Variants in PCDHGA2 observed in about 807,000 individuals in gnomAD.
PCDHGA2 encodes protocadherin gamma subfamily A, 2, also known as protocadherin gamma-A2.
Under a neutral mutation model 59.2 loss-of-function variants are expected in PCDHGA2, and 40 were observed. That is an observed-to-expected ratio of 0.68 (90% CI 0.52 to 0.88). The LOEUF (loss-of-function observed/expected upper bound fraction) is 0.88. Among genes scored for constraint, PCDHGA2 ranks in the 40% least tolerant of loss-of-function variants. The pLI, the probability that PCDHGA2 is intolerant of heterozygous loss-of-function variation, is 0.00. For synonymous variants in PCDHGA2, 560 were observed against 526.0 expected (o/e 1.06, Z -0.89); for missense variants, 1,226 against 1,204.0 (o/e 1.02, Z -0.27).
In PCDHGA2 at chr5:141,494,836, C is replaced by G. The variant is rs1016713543; in HGVS notation, c.2454C>G (p.Phe818Leu). ...CCCCGCCCAACACGGACTGGCGTTT[C>G]TCTCAGGCCCAGAGACCCGGCACCA... ...QQAPPNTDWR[F>L]SQAQRPGTSG... The change falls in exon 2 of 4, where the codon TTC (phenylalanine) becomes TTG (leucine). Residue 818 changes from phenylalanine (F) to leucine (L), a missense_variant. Phe to Leu is a conservative substitution (Grantham distance 22, BLOSUM62 0). Coordinates refer to ENST00000394576, the MANE Select transcript of PCDHGA2 (RefSeq NM_018915.4). 1.9e-6 allele frequency: 3 copies of G among 1,614,054 alleles called. No individual in the cohort carries two copies. The highest frequency in any genetic ancestry group is 2.7e-5 in the African/African-American group (2 of 74,932).
chr5:141,430,619 A>G lies in PCDHGA2; in HGVS notation c.2425-64188A>G, dbSNP rs192473783. ...CGCCTGAAGCACAAAGCAGATAGCT[A>G]GGAATGAACCATCCCTGGGAGTATG... On this transcript the variant is annotated intron_variant, in intron 1 of 3. Coordinates refer to ENST00000394576, the MANE Select transcript of PCDHGA2 (RefSeq NM_018915.4). 9.4e-5 allele frequency: 68 copies of G among 720,190 alleles called. 1 individual carries two copies. The African/African-American group carries it at 1.1e-3, about 12-fold the overall frequency. 44.6% of individuals were successfully genotyped at this position (720,190 alleles called of 1,614,324 possible). A position where few individuals can be genotyped will look rare whatever the true frequency, so the allele number is the denominator to read the frequency against.
chr5:141,381,355 C>A (rs1431564536), intron 1 of PCDHGA2, among the ~76,000 whole-genome samples: 1 of 152,222 alleles, frequency 6.6e-6, no homozygotes, highest in Non-Finnish European at 1.5e-5. Flanking sequence ...TTTCTGCTAG[C>A]AGAGGGTAGC....
rs532675537 is a variant in PCDHGA2, at chr5:141,508,584, T to C, written c.2573-2363T>C. Among the ~76,000 whole-genome samples, 87 of 152,266 alleles carry C rather than the reference T, an allele frequency of 5.7e-4. 1 individual carries two copies. Among genetic ancestry groups the C allele is most frequent in the African/African-American group, 1.6e-3 (66 of 41,552 alleles). On this transcript the variant is annotated intron_variant, in intron 3 of 3. Coordinates refer to ENST00000394576, the MANE Select transcript of PCDHGA2 (RefSeq NM_018915.4). The stretch of plus-strand genomic sequence containing the variant: ...TGTCACTTGCACCCACTCGGGGTGC[T>C]ACTCAGAGATCTTGGGTGCACATAG...
At position 141,490,632 on chromosome 5, in the gene PCDHGA2, A is replaced by C; in HGVS notation, c.2425-4175A>C. Reference sequence around the variant, plus strand: ...AGCAGCTTTACACTGCTTACATCCTAGAAAACCGGCCTCCGGGCTCCCTTC... The same window carrying C: ...AGCAGCTTTACACTGCTTACATCCTCGAAAACCGGCCTCCGGGCTCCCTTC... On this transcript the variant is annotated intron_variant, in intron 1 of 3. Transcript: ENST00000394576. This position sits in a 1 kb window ranked among gnomAD's most constrained non-coding sequence, Gnocchi z 5.4. The C allele has an allele frequency of 1.2e-6, 2 of 1,614,196 alleles. No individual in the cohort carries two copies. Among genetic ancestry groups the C allele is most frequent in the South Asian group, 1.1e-5 (1 of 91,088 alleles).
At chr5:141,418,433 C>G (rs761824602) in intron 1 of PCDHGA2, 44 of 1,613,938 alleles carry the variant, frequency 2.7e-5, no homozygotes, top group Non-Finnish European at 3.7e-5. Flanking sequence ...TGGCAAATAT[C>G]CAGAATTAGT....
chr5:141,419,894 C>G, intron 1 of PCDHGA2: 1 of 1,613,926 alleles, frequency 6.2e-7, no homozygotes, highest in Non-Finnish European at 8.5e-7. Flanking sequence ...CAGCGACCAT[C>G]CCACACCCTC....
intron 1 of PCDHGA2, among the ~76,000 whole-genome samples, chr5:141,466,735 T>C (rs2099128254): frequency 6.6e-6 from 1 of 152,224 alleles, no homozygotes; most frequent in South Asian, 2.1e-4. Context: ...GCAGAATTCA[T>C]GTTACTCTGA....
At position 141,477,271 on chromosome 5, in the gene PCDHGA2, G is replaced by T; in HGVS notation, c.2425-17536G>T. On this transcript the variant is annotated intron_variant, in intron 1 of 3. Transcript: ENST00000394576. The surrounding 1 kb of genome is among the most constrained non-coding windows in gnomAD (Gnocchi z 4.9). ...CTGACCTGGATGCTGGCGAGAACGG[G>T]CTGGTGACCTGCGAAGTTCCACCGG... The T allele has an allele frequency of 1.2e-6, 2 of 1,614,212 alleles. No homozygotes were observed. The highest frequency in any genetic ancestry group is 1.7e-6 in the Non-Finnish European group (2 of 1,180,044).
intron 1 of PCDHGA2, among the ~76,000 whole-genome samples, chr5:141,473,910 A>G (rs1165685707): frequency 6.6e-6 from 1 of 152,168 alleles, no homozygotes; most frequent in Non-Finnish European, 1.5e-5. Flanking sequence ...AAGAGGTCTT[A>G]AGAAAACTAT....
chr5:141,400,426 G>A (rs1346018954), intron 1 of PCDHGA2: 1 of 1,614,060 alleles, frequency 6.2e-7, no homozygotes, highest in Non-Finnish European at 8.5e-7. Flanking sequence ...AAAATGTAGT[G>A]AGCAATTGAG....
Position 141,476,201 on chromosome 5 carries a change from G to C in PCDHGA2, c.2425-18606G>C. ...GCTTCTGCTTGGTGCCTTGAACAAG[G>C]CTTCCACGGTCATTCACTATGAGAT... is the stretch of plus-strand genomic sequence containing the variant. On this transcript the variant is annotated intron_variant, in intron 1 of 3. Coordinates refer to ENST00000394576, the MANE Select transcript of PCDHGA2 (RefSeq NM_018915.4). This position sits in a 1 kb window ranked among gnomAD's most constrained non-coding sequence, Gnocchi z 7.6. 6.2e-7 allele frequency: 1 copy of C among 1,613,986 alleles called. No individual in the cohort carries two copies. The highest frequency in any genetic ancestry group is 8.5e-7 in the Non-Finnish European group (1 of 1,180,028).
At chr5:141,360,893 A>G in intron 1 of PCDHGA2, 1 of 1,614,046 alleles carries the variant, frequency 6.2e-7, no homozygotes, top group Non-Finnish European at 8.5e-7. Flanking sequence ...ACCCTGAGGG[A>G]GGACGTGCCG....
chr5:141,348,006 G>T (rs536087157), intron 1 of PCDHGA2, among the ~76,000 whole-genome samples: 2 of 152,138 alleles, frequency 1.3e-5, no homozygotes, highest in African/African-American at 4.8e-5. Context: ...CAGCCTCTGC[G>T]GGAGATTTCC....
intron 1 of PCDHGA2, chr5:141,366,152 C>G: frequency 1.2e-6 from 2 of 1,614,138 alleles, no homozygotes; most frequent in Non-Finnish European, 1.7e-6. Context: ...GTCCTACCGC[C>G]TGCTTAAGGC....
In PCDHGA2 at chr5:141,432,872, C is replaced by G; in HGVS notation, c.2425-61935C>G. 4 of 1,614,192 alleles carry G rather than the reference C, an allele frequency of 2.5e-6. No individual in the cohort carries two copies. The highest frequency in any genetic ancestry group is 3.4e-6 in the Non-Finnish European group (4 of 1,180,018). ...GGTGGCCGCGGTCTCCTGCGTCTTCCTGGCCTTCGTCATCTTGCTGCTGGC... is the reference window on the plus strand; with the variant it reads ...GGTGGCCGCGGTCTCCTGCGTCTTCGTGGCCTTCGTCATCTTGCTGCTGGC... On this transcript the variant is annotated intron_variant, in intron 1 of 3. Coordinates refer to ENST00000394576, the MANE Select transcript of PCDHGA2 (RefSeq NM_018915.4). The surrounding 1 kb of genome is among the most constrained non-coding windows in gnomAD (Gnocchi z 6.0).
rs547778963 is a variant in PCDHGA2 at position 141,357,070 on chromosome 5, G to A, written c.2424+15675G>A. 1.9e-6 allele frequency: 3 copies of A among 1,613,960 alleles called. No individual in the cohort carries two copies. The highest frequency in any genetic ancestry group is 3.3e-5 in the Admixed American group (2 of 60,028). On this transcript the variant is annotated intron_variant, in intron 1 of 3. Coordinates refer to ENST00000394576, the MANE Select transcript of PCDHGA2 (RefSeq NM_018915.4). Reference sequence around the variant, plus strand: ...ACTATTTGCAGTGGGGCTGCACACAGGCGAGGTGCGCACCGCACGGGCCCT... The same window carrying A: ...ACTATTTGCAGTGGGGCTGCACACAAGCGAGGTGCGCACCGCACGGGCCCT...
chr5:141,422,243 T>C, intron 1 of PCDHGA2: 12 of 1,566,082 alleles, frequency 7.7e-6, no homozygotes, highest in Non-Finnish European at 1.0e-5. Flanking sequence ...ATCACTGTTG[T>C]GGATGTGAAT....
intron 1 of PCDHGA2, chr5:141,352,649 G>T: frequency 6.2e-7 from 1 of 1,604,100 alleles, no homozygotes; most frequent in South Asian, 1.1e-5. Flanking sequence ...AATCGCTTAT[G>T]ACCCTTCTTT....
chr5:141,366,469 G>C (rs575828819), intron 1 of PCDHGA2: 2 of 1,614,256 alleles, frequency 1.2e-6, no homozygotes, highest in Non-Finnish European at 1.7e-6. Flanking sequence ...TGCTGCTGGT[G>C]CTCAGACTGA....
Sources: allele counts gnomAD v4.1 joint callset (sites outside exome capture counted in the v4.1 genomes callset), GRCh38; gene constraint gnomAD v4.1.1; non-coding constraint Gnocchi (gnomAD v3.1); transcripts MANE v1.5; gene names NCBI Gene and HGNC (gene_info 2026-07-23, HGNC 2026-07-21).